The following CAST variants were observed in gnomAD, a reference collection of about 807,000 sequenced individuals.
CAST encodes the protein MIR583 host.
A neutral mutation model predicts 119.6 loss-of-function variants in CAST; 76 were observed. That is an observed-to-expected ratio of 0.64 (90% CI 0.53 to 0.77). The LOEUF (loss-of-function observed/expected upper bound fraction) is 0.77. CAST is among the 30% of genes least tolerant of loss of function. CAST has a pLI of 0.00. For missense variants in CAST, 953 were observed against 946.5 expected (o/e 1.01, Z -0.09); for synonymous variants, 319 against 331.6 (o/e 0.96, Z 0.41).
At chr5:96,361,052 G>A in the CAST span, among the ~76,000 whole-genome samples, 1 of 152,180 alleles carries the variant, frequency 6.6e-6, no homozygotes, top group African/African-American at 2.4e-5. Flanking sequence ...AATCTAGAGA[G>A]GCAGTCTGGC....
Position 96,772,949 on chromosome 5 carries a change from G to C in CAST, c.*333G>C, listed in dbSNP as rs754181493. On this transcript the variant is annotated 3_prime_UTR_variant, in exon 32 of 32. Transcript: ENST00000675179. ...ACCAAAAAAACAAAAGAAAAGCTAA[G>C]TGAATTTTTGCACATTCTACACACA... The C allele has an allele frequency of 2.6e-5, 4 of 153,830 alleles. No individual in the cohort carries two copies. Among genetic ancestry groups the C allele is most frequent in the Admixed American group, 1.3e-4 (2 of 15,278 alleles). 9.5% of individuals were successfully genotyped at this position (153,830 alleles called of 1,614,324 possible).
At chr5:96,392,998 AT>A in the CAST span, 1 of 1,613,978 alleles carries the variant, frequency 6.2e-7, no homozygotes, top group Non-Finnish European at 8.5e-7. Flanking sequence ...CCACACACTT[AT>A]TTTAATTTTC....
intron 24 of CAST, among the ~76,000 whole-genome samples, chr5:96,760,344 A>G (rs1258349201): frequency 6.6e-6 from 1 of 152,004 alleles, no homozygotes; most frequent in Non-Finnish European, 1.5e-5. Context: ...TGTCCATGTA[A>G]AAGATCTATT....
intron 2 of CAST, among the ~76,000 whole-genome samples, chr5:96,690,290 G>A (rs1245358458): frequency 1.3e-5 from 2 of 151,984 alleles, no homozygotes; most frequent in Non-Finnish European, 2.9e-5. Context: ...GGAATGCAAT[G>A]GTGTGATCTT....
chr5:96,047,234 A>G, the CAST span, among the ~76,000 whole-genome samples: 1 of 152,226 alleles, frequency 6.6e-6, no homozygotes, highest in Non-Finnish European at 1.5e-5. Context: ...TTTCTTATTC[A>G]TATTTAAAAA....
intron 1 of CAST, among the ~76,000 whole-genome samples, chr5:96,623,883 G>C (rs1179021465): frequency 6.6e-6 from 1 of 151,706 alleles, no homozygotes; most frequent in East Asian, 1.9e-4. Context: ...ATTTCATGTA[G>C]AGATGAGATC....
At chr5:96,553,096 A>T (rs1746166222) in intron 1 of CAST, among the ~76,000 whole-genome samples, 1 of 152,164 alleles carries the variant, frequency 6.6e-6, no homozygotes, top group Admixed American at 6.5e-5. Context: ...AGCTTGGCAG[A>T]GACACAACAA....
chr5:96,013,308 A>AAT, the CAST span, among the ~76,000 whole-genome samples: 5 of 151,588 alleles, frequency 3.3e-5, no homozygotes, highest in Non-Finnish European at 7.4e-5. Context: ...TAATATAGAG[A>AAT]ATATATATAA....
intron 12 of CAST, 71 bp downstream of exon 12, chr5:96,740,189 TAC>T: frequency 2.6e-6 from 2 of 758,906 alleles, no homozygotes; most frequent in East Asian, 5.4e-5. Context: ...TCAATATTTT[TAC>T]AGTGTTTAGA....
chr5:96,070,196 C>T, the CAST span, among the ~76,000 whole-genome samples: 9 of 152,132 alleles, frequency 5.9e-5, no homozygotes, highest in Admixed American at 5.2e-4. Context: ...CTCACTATCC[C>T]TAGTCAAGTA....
chr5:95,996,493 G>T, the CAST span, among the ~76,000 whole-genome samples: 11 of 152,146 alleles, frequency 7.2e-5, no homozygotes, highest in Non-Finnish European at 1.2e-4. Context: ...AAATCTAGAA[G>T]CTTGTGTGTG....
At chr5:96,258,566 C>G in the CAST span, among the ~76,000 whole-genome samples, 3 of 152,126 alleles carry the variant, frequency 2.0e-5, no homozygotes, top group Non-Finnish European at 4.4e-5. Flanking sequence ...AGGCACATGC[C>G]TCTACCTGTG....
intron 3 of CAST, among the ~76,000 whole-genome samples, chr5:96,700,943 T>C (rs1753808979): frequency 6.6e-6 from 1 of 152,124 alleles, no homozygotes; most frequent in African/African-American, 2.4e-5. Flanking sequence ...TTTTTTTTTT[T>C]TTTGAGACAG....
chr5:96,181,485 A>G, the CAST span, among the ~76,000 whole-genome samples: 1 of 152,164 alleles, frequency 6.6e-6, no homozygotes, highest in Non-Finnish European at 1.5e-5. Flanking sequence ...AACCTTCCAA[A>G]CAGGTTAGCA....
chr5:96,670,498 AT>A (rs373067963), intron 1 of CAST, among the ~76,000 whole-genome samples: 8 of 150,968 alleles, frequency 5.3e-5, no homozygotes, highest in Non-Finnish European at 5.9e-5. Flanking sequence ...AGTTTCTTTG[AT>A]TTTTTTTTCT....
At chr5:96,512,275 G>A in the CAST span, among the ~76,000 whole-genome samples, 1 of 152,138 alleles carries the variant, frequency 6.6e-6, no homozygotes, top group African/African-American at 2.4e-5. Flanking sequence ...AAATGAACTT[G>A]CATGCTTGGT....
At chr5:96,431,717 A>T in the CAST span, among the ~76,000 whole-genome samples, 3 of 152,278 alleles carry the variant, frequency 2.0e-5, no homozygotes, top group South Asian at 6.2e-4. Flanking sequence ...GAGCAGGCGA[A>T]TTCCCCAGAG....
intron 1 of CAST, among the ~76,000 whole-genome samples, chr5:96,561,540 A>T (rs1214371006): frequency 6.6e-6 from 1 of 151,584 alleles, no homozygotes; most frequent in African/African-American, 2.4e-5. Flanking sequence ...AGGAAGGGGA[A>T]CATCACACAC....
the CAST span, among the ~76,000 whole-genome samples, chr5:96,126,396 T>A: frequency 1.3e-5 from 2 of 152,192 alleles, no homozygotes; most frequent in African/African-American, 4.8e-5. Flanking sequence ...AAAATTTCTA[T>A]CTTGCTTTAG....
Sources: allele counts gnomAD v4.1 joint callset (sites outside exome capture counted in the v4.1 genomes callset), GRCh38; gene constraint gnomAD v4.1.1; transcripts MANE v1.5; gene names NCBI Gene and HGNC (gene_info 2026-07-23, HGNC 2026-07-21).